CDC42EP3: variants seen among roughly 807,000 people sequenced by gnomAD.
CDC42EP3 encodes the protein CDC42 effector protein (Rho GTPase binding) 3.
In CDC42EP3, 4 loss-of-function variants were observed where a neutral mutation model predicts 15.5. The ratio of observed to expected loss-of-function variants is 0.26; its 90% CI spans 0.13 to 0.59. The LOEUF (loss-of-function observed/expected upper bound fraction) is 0.59, where lower values mean the gene tolerates loss of function less well. CDC42EP3 is among the 20% of genes least tolerant of loss of function. The pLI is 0.89. For missense variants in CDC42EP3, 309 were observed against 311.2 expected (o/e 0.99, Z 0.05); for synonymous variants, 145 against 130.3 (o/e 1.11, Z -0.77).
Position 37,646,180 on chromosome 2 carries a change from C to A in CDC42EP3, c.408G>T (p.Gly136=). The part of the protein sequence containing the change: ...VTFNSKQESF[G]PAKLPRLSCE... ...AGCTAAGCCTGGGCAGCTTTGCTGGCCCGAAGGACTCCTGTTTGGAATTAA... is the reference window on the plus strand; with the variant it reads ...AGCTAAGCCTGGGCAGCTTTGCTGGACCGAAGGACTCCTGTTTGGAATTAA... The change falls in exon 2 of 2, where the codon GGG becomes GGT. Residue 136 remains glycine, a synonymous_variant. Coordinates refer to ENST00000295324, the MANE Select transcript of CDC42EP3 (RefSeq NM_006449.5). 2.5e-6 allele frequency: 4 copies of A among 1,614,126 alleles called. No homozygotes were observed. Among genetic ancestry groups the A allele is most frequent in the Non-Finnish European group, 3.4e-6 (4 of 1,180,022 alleles).
At chr2:37,667,096 G>A (rs1475647034) in intron 1 of CDC42EP3, among the ~76,000 whole-genome samples, 1 of 152,012 alleles carries the variant, frequency 6.6e-6, no homozygotes, top group Non-Finnish European at 1.5e-5. Context: ...AGCAGTGGAG[G>A]CCAAGGCAGG....
chr2:37,655,541 C>T (rs59815294), intron 1 of CDC42EP3, among the ~76,000 whole-genome samples: 2,142 of 152,210 alleles, frequency 0.014, 36 homozygotes, highest in African/African-American at 0.036. Flanking sequence ...TCAATGTGGA[C>T]ATAGAACTCT....
intron 1 of CDC42EP3, among the ~76,000 whole-genome samples, chr2:37,660,370 CT>C (rs1203538533): frequency 4.6e-5 from 7 of 152,166 alleles, no homozygotes; most frequent in Admixed American, 1.3e-4. Context: ...CTGGGGCTAT[CT>C]TCTCATTCAC....
chr2:37,662,952 G>A (rs1031383092), intron 1 of CDC42EP3, among the ~76,000 whole-genome samples: 2 of 152,166 alleles, frequency 1.3e-5, no homozygotes, highest in Non-Finnish European at 2.9e-5. Context: ...ATCGCCTGAG[G>A]TTAGGAGTTC....
intron 1 of CDC42EP3, chr2:37,647,429 G>A (rs1230767916): frequency 6.6e-6 from 1 of 152,190 alleles, no homozygotes; most frequent in East Asian, 1.9e-4. Context: ...AAATAAGAGA[G>A]CTAGAGTTGT....
At chr2:37,666,974 T>C (rs1292256370) in intron 1 of CDC42EP3, among the ~76,000 whole-genome samples, 2 of 152,150 alleles carry the variant, frequency 1.3e-5, no homozygotes, top group Admixed American at 6.5e-5. Flanking sequence ...ACTGTAACCA[T>C]TGGCTTTGAG....
At chr2:37,653,597 A>G (rs997797076) in intron 1 of CDC42EP3, among the ~76,000 whole-genome samples, 1 of 152,246 alleles carries the variant, frequency 6.6e-6, no homozygotes, top group African/African-American at 2.4e-5. Flanking sequence ...AATGACAGAC[A>G]GAAAAATCAG....
intron 1 of CDC42EP3, among the ~76,000 whole-genome samples, chr2:37,658,389 C>A (rs898833908): frequency 1.3e-5 from 2 of 152,160 alleles, no homozygotes; most frequent in African/African-American, 4.8e-5. Flanking sequence ...GTGGCCCAAG[C>A]TCCATATTCC....
intron 1 of CDC42EP3, among the ~76,000 whole-genome samples, chr2:37,652,747 T>C (rs1209412725): frequency 1.3e-5 from 2 of 152,040 alleles, no homozygotes; most frequent in East Asian, 3.9e-4. Context: ...AACAATTTTT[T>C]TTTTTTTTAG....
chr2:37,647,991 C>T (rs887000008), intron 1 of CDC42EP3, among the ~76,000 whole-genome samples: 1 of 152,198 alleles, frequency 6.6e-6, no homozygotes, highest in Non-Finnish European at 1.5e-5. Context: ...GATTCCTGAC[C>T]CACAGAACCT....
rs181900126 is a variant in CDC42EP3 at position 37,669,391 on chromosome 2, C to T, written c.-236+2035G>A. On this transcript the variant is annotated intron_variant, in intron 1 of 1. Coordinates refer to ENST00000295324, the MANE Select transcript of CDC42EP3 (RefSeq NM_006449.5). ...CACCACATTAAAGGAAAGGCTGGAG[C>T]GCAGACAGGGCAAATGAACTCATGT... Among the ~76,000 whole-genome samples the T allele has an allele frequency of 2.3e-3, 356 of 152,244 alleles. 4 individuals carry two copies. In the Middle Eastern group the frequency reaches 0.034, roughly 15 times the overall value.
At chr2:37,656,997 G>A (rs59835802) in intron 1 of CDC42EP3, among the ~76,000 whole-genome samples, 461 of 38,722 alleles carry the variant, frequency 0.012, 23 homozygotes, top group East Asian at 0.051. Flanking sequence ...CCCACCCCCC[G>A]CCCCCCGCCA....
chr2:37,657,154 A>G (rs1277073990), intron 1 of CDC42EP3, among the ~76,000 whole-genome samples: 1 of 151,810 alleles, frequency 6.6e-6, no homozygotes, highest in Non-Finnish European at 1.5e-5. Context: ...CCTAACTGAC[A>G]CTTCATTTCC....
Position 37,646,085 on chromosome 2 carries a change from C to A in CDC42EP3, c.503G>T (p.Gly168Val), listed in dbSNP as rs778714396. Residue 168 changes from glycine (G) to valine (V), a missense_variant, in exon 2 of 2, where the codon GGA (glycine) becomes GTA (valine). Transcript: ENST00000295324. ...ACCGCTGGAGCCCCACGAGGTGTCT[C>A]CCTGGTGGACTGTCCCATTCTCCAA... Reference protein sequence around the residue: ...SLLENGTVHQGDTSWGSSGSA... With the variant: ...SLLENGTVHQVDTSWGSSGSA... The A allele has an allele frequency of 6.2e-7, 1 of 1,614,214 alleles. No homozygotes were observed. Among genetic ancestry groups the A allele is most frequent in the South Asian group, 1.1e-5 (1 of 91,080 alleles).
At position 37,653,777 on chromosome 2, in the gene CDC42EP3, T is replaced by C. The variant is rs1271741682; in HGVS notation, c.-235-6955A>G. ...GAGAAAAAGTAAAAAAAAAAAAAAATTGCATCCTGCAAAACAGGTTGCAGT... is the reference window on the plus strand; with the variant it reads ...GAGAAAAAGTAAAAAAAAAAAAAAACTGCATCCTGCAAAACAGGTTGCAGT... On this transcript the variant is annotated intron_variant, in intron 1 of 1. Transcript: ENST00000295324. Among the ~76,000 whole-genome samples, 7 of 149,400 alleles carry C rather than the reference T, an allele frequency of 4.7e-5. 1 individual carries two copies. The South Asian group carries it at 1.5e-3, about 31-fold the overall frequency.
At chr2:37,662,966 A>T (rs1030467286) in intron 1 of CDC42EP3, among the ~76,000 whole-genome samples, 1 of 152,188 alleles carries the variant, frequency 6.6e-6, no homozygotes, top group African/African-American at 2.4e-5. Flanking sequence ...GGAGTTCGTG[A>T]CCAGTCTGGC....
intron 1 of CDC42EP3, among the ~76,000 whole-genome samples, chr2:37,658,371 G>A (rs1475224388): frequency 2.0e-5 from 3 of 152,116 alleles, no homozygotes; most frequent in Admixed American, 6.5e-5. Flanking sequence ...CTTGCATGGC[G>A]GTTGTGTGTG....
intron 1 of CDC42EP3, among the ~76,000 whole-genome samples, chr2:37,670,649 T>C (rs1011937519): frequency 6.6e-6 from 1 of 152,162 alleles, no homozygotes; most frequent in African/African-American, 2.4e-5. Context: ...AACATTCAAG[T>C]GCATATTTAT....
rs1406420195 is a variant in CDC42EP3, at chr2:37,645,727, A to ACAAAACTG, written c.*88_*95dup. The ACAAAACTG allele has an allele frequency of 4.1e-6, 4 of 972,980 alleles. No homozygotes were observed. The highest frequency in any genetic ancestry group is 5.9e-6 in the Non-Finnish European group (4 of 675,098). 60.3% of individuals were successfully genotyped at this position (972,980 alleles called of 1,614,324 possible). ...AGAATATTATTTTAGAAAACCCAAC[A>ACAAAACTG]CAAAACTGCAAATACAGCTCCGGAA... is the stretch of plus-strand genomic sequence containing the variant. On this transcript the variant is annotated 3_prime_UTR_variant, in exon 2 of 2. Transcript: ENST00000295324.
Sources: allele counts gnomAD v4.1 joint callset (sites outside exome capture counted in the v4.1 genomes callset), GRCh38; gene constraint gnomAD v4.1.1; transcripts MANE v1.5; gene names NCBI Gene and HGNC (gene_info 2026-07-23, HGNC 2026-07-21).